Variants in ARPP19 observed in about 807,000 individuals in gnomAD.
ARPP19 encodes the protein cAMP regulated phosphoprotein 19.
In ARPP19, 8 loss-of-function variants were observed where a neutral mutation model predicts 12.0. The ratio of observed to expected loss-of-function variants is 0.67; its 90% confidence interval spans 0.39 to 1.21. ARPP19 has a LOEUF of 1.21. ARPP19 is among the 50% of genes most tolerant of loss of function. The pLI is 0.01. For synonymous variants in ARPP19, 47 were observed against 50.4 expected, an observed-to-expected ratio of 0.93 and a Z score of 0.29; for missense variants, 102 against 136.3, an observed-to-expected ratio of 0.75 and a Z score of 1.25.
Position 52,552,095 on chromosome 15 carries a change from A to C in ARPP19, c.178T>G (p.Phe60Val), listed in dbSNP as rs1484507965. The C allele has an allele frequency of 6.2e-7, 1 of 1,611,648 alleles. No homozygotes were observed. The highest frequency in any genetic ancestry group is 1.7e-5 in the Admixed American group (1 of 59,958). The change falls in exon 3 of 3, where the codon TTT becomes GTT. Residue 60 changes from phenylalanine to valine, a missense_variant. By Grantham distance (50) the Phe-to-Val change is conservative. Transcript: ENST00000249822. ...RKRLQKGQKYFDSGDYNMAKA... is the reference protein window; with the variant it reads ...RKRLQKGQKYVDSGDYNMAKA... ...GCCATGTTGTAATCCCCAGAATCAAAATATTTTTGCTATAAGTAAAAACAA... is the reference window on the plus strand; with the variant it reads ...GCCATGTTGTAATCCCCAGAATCAACATATTTTTGCTATAAGTAAAAACAA...
Position 52,547,773 on chromosome 15 carries a change from T to C in ARPP19, c.*4161A>G, listed in dbSNP as rs563177409. ...GGAATGTGGCTCAAATTAGTCAATA[T>C]TGATTAGGATATTGTTTTAGAAAAT... On this transcript the variant is annotated 3_prime_UTR_variant, in exon 3 of 3. Coordinates refer to ENST00000249822, the MANE Select transcript of ARPP19 (RefSeq NM_006628.6). 7 of 152,326 alleles carry C rather than the reference T, an allele frequency of 4.6e-5. No individual in the cohort carries two copies. The highest frequency in any genetic ancestry group is 4.1e-4 in the South Asian group (2 of 4,828). The allele number at this position is 152,326 out of a possible 1,614,324, so 9.4% of individuals were successfully genotyped here.
rs911537417 is a variant in ARPP19, at chr15:52,568,950, C to G, written c.-58G>C. On this transcript the variant is annotated 5_prime_UTR_variant, in exon 1 of 3. Coordinates refer to ENST00000249822, the MANE Select transcript of ARPP19 (RefSeq NM_006628.6). ...AGATGCAATTAGCGGGTGGCCGAGG[C>G]CACCCGGCCGCCGCCCGTCCCAGCT... is the stretch of plus-strand genomic sequence containing the variant. 7 of 1,305,524 alleles carry G rather than the reference C, an allele frequency of 5.4e-6. 1 individual carries two copies. In the South Asian group the frequency reaches 9.0e-5, roughly 17 times the overall value. The allele number at this position is 1,305,524 out of a possible 1,614,324, so 80.9% of individuals were successfully genotyped here.
chr15:52,564,024 C>A (rs1192039689), intron 1 of ARPP19, among the ~76,000 whole-genome samples: 1 of 152,204 alleles, frequency 6.6e-6, no homozygotes, highest in African/African-American at 2.4e-5. Context: ...GAGGATTTCA[C>A]CATCAGCTCA....
upstream of ARPP19, chr15:52,569,178 G>T (rs2078118536): frequency 4.6e-5 from 21 of 451,722 alleles, no homozygotes; most frequent in South Asian, 4.9e-4. Context: ...AAAGGTCGCC[G>T]CTCCTGCCTC....
rs2078115460 is a variant in ARPP19 at position 52,568,964 on chromosome 15, C to T, written c.-72G>A. On this transcript the variant is annotated 5_prime_UTR_variant, in exon 1 of 3. Transcript: ENST00000249822. Reference sequence around the variant, plus strand: ...GGTGGCCGAGGCCACCCGGCCGCCGCCCGTCCCAGCTCTCCCAGGGCCCGC... The same window carrying T: ...GGTGGCCGAGGCCACCCGGCCGCCGTCCGTCCCAGCTCTCCCAGGGCCCGC... 2 of 1,145,292 alleles carry T rather than the reference C, an allele frequency of 1.7e-6. No homozygotes were observed. Among genetic ancestry groups the T allele is most frequent in the Admixed American group, 2.6e-5 (1 of 39,096 alleles). The allele number at this position is 1,145,292 out of a possible 1,614,324, so 70.9% of individuals were successfully genotyped here.
chr15:52,565,742 T>C (rs1451411045), intron 1 of ARPP19, among the ~76,000 whole-genome samples: 1 of 152,252 alleles, frequency 6.6e-6, no homozygotes, highest in East Asian at 1.9e-4. Context: ...CCCTCAACTT[T>C]TAACAATTGC....
chr15:52,569,279 G>T, upstream of ARPP19: 2 of 277,412 alleles, frequency 7.2e-6, no homozygotes, highest in South Asian at 3.6e-5. Context: ...TGTCCACTCT[G>T]GTCCCCTCGT....
chr15:52,556,171 C>G (rs929520675), intron 2 of ARPP19, among the ~76,000 whole-genome samples: 1 of 150,688 alleles, frequency 6.6e-6, no homozygotes, highest in African/African-American at 2.4e-5. Context: ...CCATATGTAC[C>G]TAGAGCTAAT....
chr15:52,554,204 T>C (rs1455768039), intron 2 of ARPP19, among the ~76,000 whole-genome samples: 1 of 152,174 alleles, frequency 6.6e-6, no homozygotes, highest in Non-Finnish European at 1.5e-5. Context: ...CAGTTTCTAA[T>C]GTAAGTAATT....
Position 52,569,005 on chromosome 15 carries a change from C to G in ARPP19, c.-113G>C, listed in dbSNP as rs898082587. The G allele has an allele frequency of 3.9e-5, 29 of 747,976 alleles. No individual in the cohort carries two copies. The African/African-American group carries it at 5.4e-4, about 14-fold the overall frequency. 46.3% of individuals were successfully genotyped at this position (747,976 alleles called of 1,614,324 possible). On this transcript the variant is annotated 5_prime_UTR_variant, in exon 1 of 3. Coordinates refer to ENST00000249822, the MANE Select transcript of ARPP19 (RefSeq NM_006628.6). The stretch of plus-strand genomic sequence containing the variant: ...CAGGGCCCGCCGGGCCGCCTCCGCC[C>G]GCGAAAATGGCCGCCGCCTTATGAC...
intron 1 of ARPP19, 57 bp downstream of exon 1, chr15:52,568,791 G>A (rs911588339): frequency 1.7e-4 from 231 of 1,362,722 alleles, no homozygotes; most frequent in Non-Finnish European, 2.2e-4. Context: ...GCGGGAGCAG[G>A]CCGCCCGCCA....
At position 52,551,896 on chromosome 15, in the gene ARPP19, A is replaced by G. The variant is rs2077935038; in HGVS notation, c.*38T>C. Reference sequence around the variant, plus strand: ...GATAAGTAACATATTAAGGAGAAATAATGAGATTTAGCAGATTCATGCAGT... The same window carrying G: ...GATAAGTAACATATTAAGGAGAAATGATGAGATTTAGCAGATTCATGCAGT... On this transcript the variant is annotated 3_prime_UTR_variant, in exon 3 of 3. Transcript: ENST00000249822. 1.3e-6 allele frequency: 2 copies of G among 1,490,098 alleles called. No individual in the cohort carries two copies. Among genetic ancestry groups the G allele is most frequent in the South Asian group, 2.4e-5 (2 of 84,186 alleles). The allele number at this position is 1,490,098 out of a possible 1,614,324, so 92.3% of individuals were successfully genotyped here.
intron 1 of ARPP19, chr15:52,557,662 T>C (rs2077993226): frequency 6.6e-6 from 1 of 152,288 alleles, no homozygotes; most frequent in Admixed American, 6.5e-5. Context: ...TACTAGAAAT[T>C]AACAGCAGCC....
At chr15:52,566,358 C>G (rs545464621) in intron 1 of ARPP19, among the ~76,000 whole-genome samples, 2 of 151,706 alleles carry the variant, frequency 1.3e-5, no homozygotes, top group Non-Finnish European at 2.9e-5. Context: ...AGGGTTTCAC[C>G]GTGTTGGCCA....
At chr15:52,566,785 ATTTT>A (rs1353298886) in intron 1 of ARPP19, among the ~76,000 whole-genome samples, 1 of 150,832 alleles carries the variant, frequency 6.6e-6, no homozygotes, top group Admixed American at 6.6e-5. Context: ...GTTTATACTT[ATTTT>A]TTATGTTTGT....
chr15:52,561,660 A>C (rs1022673664), intron 1 of ARPP19, among the ~76,000 whole-genome samples: 1 of 151,988 alleles, frequency 6.6e-6, no homozygotes, highest in Non-Finnish European at 1.5e-5. Context: ...AAAAATAAAA[A>C]AAATTTTAAA....
chr15:52,558,705 TTATC>T (rs1048173096), intron 1 of ARPP19, among the ~76,000 whole-genome samples: 11 of 151,866 alleles, frequency 7.2e-5, no homozygotes, highest in South Asian at 4.2e-4. Context: ...AGCAAACCAT[TTATC>T]TATCTAAGCA....
At position 52,550,629 on chromosome 15, in the gene ARPP19, G is replaced by C. The variant is rs1412410200; in HGVS notation, c.*1305C>G. ...AAGGCCCTATCCTAAAAAAAAAAGAGAAAGAAGTTAACAACTGAGAAATTA... is the reference window on the plus strand; with the variant it reads ...AAGGCCCTATCCTAAAAAAAAAAGACAAAGAAGTTAACAACTGAGAAATTA... On this transcript the variant is annotated 3_prime_UTR_variant, in exon 3 of 3. Transcript: ENST00000249822. The C allele has an allele frequency of 6.6e-6, 1 of 151,928 alleles. No homozygotes were observed. Among genetic ancestry groups the C allele is most frequent in the Non-Finnish European group, 1.5e-5 (1 of 68,002 alleles). The allele number at this position is 151,928 out of a possible 1,614,324, so 9.4% of individuals were successfully genotyped here. A position where few individuals can be genotyped will look rare whatever the true frequency, so the allele number is the denominator to read the frequency against.
intron 2 of ARPP19, among the ~76,000 whole-genome samples, chr15:52,552,885 C>CCT (rs2077948395): frequency 6.6e-6 from 1 of 151,926 alleles, no homozygotes; most frequent in Non-Finnish European, 1.5e-5. Context: ...GAAACCAGAA[C>CCT]GGCCAATATG....
Sources: allele counts gnomAD v4.1 joint callset (sites outside exome capture counted in the v4.1 genomes callset), GRCh38; gene constraint gnomAD v4.1.1; transcripts MANE v1.5; gene names NCBI Gene and HGNC (gene_info 2026-07-23, HGNC 2026-07-21).